The following GABRA2 variants were observed in gnomAD, a reference collection of about 807,000 sequenced individuals.
GABRA2 encodes gamma-aminobutyric acid type A receptor subunit alpha2, also known as gamma-aminobutyric acid receptor subunit alpha-2.
Under a neutral mutation model 48.7 loss-of-function variants are expected in GABRA2, and 16 were observed. The ratio of observed to expected loss-of-function variants is 0.33; its 90% CI spans 0.22 to 0.50. GABRA2 has a LOEUF of 0.50. GABRA2 is among the 20% of genes least tolerant of loss of function. GABRA2 has a pLI of 0.98. For missense variants in GABRA2, 275 were observed against 535.6 expected (o/e 0.51, Z 4.80); for synonymous variants, 185 against 184.5 (o/e 1.00, Z -0.02).
chr4:46,296,670 A>AAC (rs1281149742), intron 8 of GABRA2, among the ~76,000 whole-genome samples: 1 of 150,702 alleles, frequency 6.6e-6, no homozygotes, highest in African/African-American at 2.4e-5. Flanking sequence ...AAAAAAAAGA[A>AAC]AAAAAAAAAC....
chr4:46,329,554 G>T lies in GABRA2; in HGVS notation c.255+3061C>A, dbSNP rs1410392424. Among the ~76,000 whole-genome samples the T allele has an allele frequency of 2.6e-5, 4 of 152,118 alleles. No individual in the cohort carries two copies. The East Asian group carries it at 5.8e-4, about 22-fold the overall frequency. On this transcript the variant is annotated intron_variant, in intron 4 of 9. Coordinates refer to ENST00000381620, the MANE Select transcript of GABRA2 (RefSeq NM_000807.4). ...AGAATTCACAGGTCTTAGAGGGAAAGGGTGTTCTTTCCAGTCTTCAGTTTC... is the reference window on the plus strand; with the variant it reads ...AGAATTCACAGGTCTTAGAGGGAAATGGTGTTCTTTCCAGTCTTCAGTTTC...
intron 3 of GABRA2, among the ~76,000 whole-genome samples, chr4:46,371,070 A>T (rs922602851): frequency 1.1e-4 from 16 of 152,148 alleles, no homozygotes; most frequent in African/African-American, 3.9e-4. Context: ...TTTATATACA[A>T]ACTAGTGTTT....
intron 3 of GABRA2, among the ~76,000 whole-genome samples, chr4:46,374,417 C>A (rs1481086767): frequency 6.6e-6 from 1 of 152,048 alleles, no homozygotes; most frequent in East Asian, 1.9e-4. Flanking sequence ...AAACCAAGTG[C>A]CTATCCAATA....
At chr4:46,266,649 C>G (rs1443483450) in intron 8 of GABRA2, among the ~76,000 whole-genome samples, 2 of 147,370 alleles carry the variant, frequency 1.4e-5, no homozygotes, top group Admixed American at 1.4e-4. Context: ...CATTGAGCTT[C>G]TTGGATGTGC....
chr4:46,378,554 C>T (rs1716303227), intron 3 of GABRA2, among the ~76,000 whole-genome samples: 1 of 151,772 alleles, frequency 6.6e-6, no homozygotes, highest in African/African-American at 2.4e-5. Flanking sequence ...CTAGGAAAAC[C>T]AGAGACCTTT....
intron 3 of GABRA2, among the ~76,000 whole-genome samples, chr4:46,355,240 G>A (rs1735773009): frequency 1.3e-5 from 2 of 152,024 alleles, no homozygotes; most frequent in Admixed American, 1.3e-4. Flanking sequence ...AATTGTAATT[G>A]TTCACTTCTT....
intron 6 of GABRA2, among the ~76,000 whole-genome samples, chr4:46,309,426 A>G (rs553423804): frequency 3.3e-5 from 5 of 152,170 alleles, no homozygotes; most frequent in African/African-American, 9.6e-5. Flanking sequence ...AGTCTCTAAA[A>G]AGGTCAGGCA....
At chr4:46,352,653 C>T (rs1735322591) in intron 3 of GABRA2, among the ~76,000 whole-genome samples, 2 of 151,998 alleles carry the variant, frequency 1.3e-5, no homozygotes, top group African/African-American at 4.8e-5. Flanking sequence ...TAGACAGACC[C>T]TTTGGGGCTT....
At chr4:46,264,586 A>T (rs1325336614) in intron 8 of GABRA2, among the ~76,000 whole-genome samples, 1 of 152,188 alleles carries the variant, frequency 6.6e-6, no homozygotes, top group East Asian at 1.9e-4. Flanking sequence ...TTAGTTTGCT[A>T]GTATTTTATT....
chr4:46,252,054 A>G (rs1714876887), intron 9 of GABRA2, among the ~76,000 whole-genome samples: 1 of 151,426 alleles, frequency 6.6e-6, no homozygotes, highest in Non-Finnish European at 1.5e-5. Flanking sequence ...GTCTACAATC[A>G]TATTTTGACT....
intron 4 of GABRA2, among the ~76,000 whole-genome samples, chr4:46,313,523 C>A (rs957543898): frequency 6.6e-6 from 1 of 151,686 alleles, no homozygotes; most frequent in African/African-American, 2.4e-5. Context: ...GTGATCATGT[C>A]CTCTATTATT....
At chr4:46,390,161 T>A, upstream of GABRA2, 1 of 383,900 alleles carries the variant, frequency 2.6e-6, no homozygotes, top group African/African-American at 2.4e-5. Context: ...GTAGGAGGGC[T>A]AAGGAGGTTC....
intron 8 of GABRA2, among the ~76,000 whole-genome samples, chr4:46,270,373 A>T (rs933666263): frequency 6.6e-6 from 1 of 152,030 alleles, no homozygotes; most frequent in African/African-American, 2.4e-5. Context: ...CTATAAACAG[A>T]GAGTACTGGA....
intron 8 of GABRA2, among the ~76,000 whole-genome samples, chr4:46,284,221 T>G (rs575901532): frequency 1.3e-5 from 2 of 152,090 alleles, no homozygotes; most frequent in South Asian, 4.1e-4. Context: ...ACAATTATGT[T>G]TTTTATATAA....
chr4:46,291,796 T>TATATATATATATATAC (rs1292821999), intron 8 of GABRA2, among the ~76,000 whole-genome samples: 6 of 150,192 alleles, frequency 4.0e-5, no homozygotes, highest in African/African-American at 7.3e-5. Context: ...TATATACATA[T>TATATATATATATATAC]ACATATATAT....
At chr4:46,284,506 A>T (rs551256587) in intron 8 of GABRA2, among the ~76,000 whole-genome samples, 1 of 152,350 alleles carries the variant, frequency 6.6e-6, no homozygotes, top group African/African-American at 2.4e-5. Flanking sequence ...AACAGAGAAT[A>T]TGAAAGGAGG....
At chr4:46,312,268 A>G (rs989093665) in intron 5 of GABRA2, among the ~76,000 whole-genome samples, 27 of 152,206 alleles carry the variant, frequency 1.8e-4, no homozygotes, top group African/African-American at 6.5e-4. Flanking sequence ...ATTCATAATA[A>G]TAAAAGCAAT....
At position 46,312,729 on chromosome 4, in the gene GABRA2, A is replaced by T. The variant is rs759759659; in HGVS notation, c.256-13T>A. The T allele has an allele frequency of 4.2e-5, 59 of 1,390,148 alleles. No individual in the cohort carries two copies. The highest frequency in any genetic ancestry group is 5.6e-5 in the Non-Finnish European group (57 of 1,023,538). 86.1% of individuals were successfully genotyped at this position (1,390,148 alleles called of 1,614,324 possible). On this transcript the variant is annotated splice_polypyrimidine_tract_variant and intron_variant, in intron 4 of 9. Coordinates refer to ENST00000381620, the MANE Select transcript of GABRA2 (RefSeq NM_000807.4). ...CAATTGTATATTCCTGAAATAAAAA[A>T]TAGAATTTTTTTGAAAATAGTAAAT...
intron 3 of GABRA2, among the ~76,000 whole-genome samples, chr4:46,337,730 G>T (rs1397814690): frequency 6.6e-6 from 1 of 151,342 alleles, no homozygotes; most frequent in African/African-American, 2.4e-5. Context: ...AAGTAATATT[G>T]CAGGGATAGG....
Sources: allele counts gnomAD v4.1 joint callset (sites outside exome capture counted in the v4.1 genomes callset), GRCh38; gene constraint gnomAD v4.1.1; transcripts MANE v1.5; gene names NCBI Gene and HGNC (gene_info 2026-07-23, HGNC 2026-07-21).